The following BRIP1 variants were observed in gnomAD, a reference collection of about 807,000 sequenced individuals.
BRIP1 encodes the protein Fanconi anemia group J protein.
A neutral mutation model predicts 119.7 loss-of-function variants in BRIP1; 88 were observed. The ratio of observed to expected loss-of-function variants is 0.74; its 90% CI spans 0.62 to 0.88. BRIP1 has a LOEUF of 0.88. BRIP1 is among the 40% of genes least tolerant of loss of function. The pLI, the probability that BRIP1 is intolerant of heterozygous loss-of-function variation, is 0.00. For missense variants in BRIP1, 1,259 were observed against 1,455.4 expected (o/e 0.87, Z 2.20); for synonymous variants, 443 against 496.5 (o/e 0.89, Z 1.43).
rs1299892243 is a variant in BRIP1 at position 61,699,346 on chromosome 17, G to A, written c.2493-5834C>T. Among the ~76,000 whole-genome samples, 2 of 152,040 alleles carry A rather than the reference G, an allele frequency of 1.3e-5. No individual in the cohort carries two copies. The highest frequency in any genetic ancestry group is 2.4e-5 in the African/African-American group (1 of 41,392). On this transcript the variant is annotated intron_variant, in intron 17 of 19. Transcript: ENST00000259008. The surrounding 1 kb of genome is among the most constrained non-coding windows in gnomAD (Gnocchi z 4.8). ...GCTATTTGCTTTCTATATGCCTTACGTATTTTGTTCTTCTGTCTTTCCATT... is the reference window on the plus strand; with the variant it reads ...GCTATTTGCTTTCTATATGCCTTACATATTTTGTTCTTCTGTCTTTCCATT...
At chr17:61,712,039 C>T (rs371647361) in intron 17 of BRIP1, among the ~76,000 whole-genome samples, 7 of 151,722 alleles carry the variant, frequency 4.6e-5, no homozygotes, top group African/African-American at 1.5e-4. Context: ...TATGTCTAAG[C>T]GATACACAAA....
At chr17:61,715,634 T>C (rs1603293170) in intron 17 of BRIP1, among the ~76,000 whole-genome samples, 1 of 152,226 alleles carries the variant, frequency 6.6e-6, no homozygotes, top group East Asian at 1.9e-4. Context: ...GCTTTGATGT[T>C]CACAAGACAA....
Position 61,752,357 on chromosome 17 carries a change from AT to A in BRIP1, c.2098-7767del, listed in dbSNP as rs1271297791. Reference sequence around the variant, plus strand: ...AAGAAAAAAAATGCAAACCTTGAGAATAAGATAAAAAAGAAACAGTACAAAC... The same window carrying A: ...AAGAAAAAAAATGCAAACCTTGAGAAAAGATAAAAAAGAAACAGTACAAAC... On this transcript the variant is annotated intron_variant, in intron 14 of 19. Transcript: ENST00000259008. The surrounding 1 kb of genome is among the most constrained non-coding windows in gnomAD (Gnocchi z 6.2). 1.3e-5 allele frequency among the ~76,000 whole-genome samples: 2 copies of A among 152,200 alleles called. No individual in the cohort carries two copies. The highest frequency in any genetic ancestry group is 2.9e-5 in the Non-Finnish European group (2 of 68,026).
rs931839940 is a variant in BRIP1 at position 61,813,350 on chromosome 17, G to A, written c.628-4593C>T. ...CCACACTGCAAATTCCTTGAAGACA[G>A]AAACTATGTCTTACATTTCTTTATA... On this transcript the variant is annotated intron_variant, in intron 6 of 19. Coordinates refer to ENST00000259008, the MANE Select transcript of BRIP1 (RefSeq NM_032043.3). Among the ~76,000 whole-genome samples, 7 of 151,942 alleles carry A rather than the reference G, an allele frequency of 4.6e-5. No homozygotes were observed. The East Asian group carries it at 5.8e-4, about 13-fold the overall frequency.
rs375207662 is a variant in BRIP1 at position 61,841,437 on chromosome 17, C to T, written c.627+5664G>A. On this transcript the variant is annotated intron_variant, in intron 6 of 19. Transcript: ENST00000259008. This position sits in a 1 kb window ranked among gnomAD's most constrained non-coding sequence, Gnocchi z 4.1. ...AAAAGATACATAAAGCCAACAAGAA[C>T]ATGAAAAAATGCTGAACATCACTAA... Among the ~76,000 whole-genome samples, 30 of 151,094 alleles carry T rather than the reference C, an allele frequency of 2.0e-4. No homozygotes were observed. The South Asian group carries it at 3.1e-3, about 16-fold the overall frequency.
rs550092661 is a variant in BRIP1 at position 61,799,264 on chromosome 17, T to C, written c.1176A>G (p.Leu392=). 62 of 1,613,366 alleles carry C rather than the reference T, an allele frequency of 3.8e-5. No homozygotes were observed. In the South Asian group the frequency reaches 4.4e-4, roughly 11 times the overall value. The change falls in exon 9 of 20, where the codon TTA becomes TTG. Residue 392 remains leucine (L), a synonymous_variant. Coordinates refer to ENST00000259008, the MANE Select transcript of BRIP1 (RefSeq NM_032043.3). The surrounding 1 kb of genome is among the most constrained non-coding windows in gnomAD (Gnocchi z 5.1). ...AGTCCTCGATGTTATGAGCTTCATC[T>C]AAAATGACAACCTGTTCTTTCAGAT... is the stretch of plus-strand genomic sequence containing the variant. ...DLNLKEQVVI[L]DEAHNIEDCA...
At position 61,796,616 on chromosome 17, in the gene BRIP1, GTC is replaced by G. The variant is rs2077904051; in HGVS notation, c.1340+2482_1340+2483del. 6.6e-6 allele frequency among the ~76,000 whole-genome samples: 1 copy of G among 151,978 alleles called. No individual in the cohort carries two copies. Among genetic ancestry groups the G allele is most frequent in the Non-Finnish European group, 1.5e-5 (1 of 67,942 alleles). ...TCTATTCTGTTCCATTGATCTGTGT[GTC>G]TGTTTTTATGCCAGTACTGTGCTGT... On this transcript the variant is annotated intron_variant, in intron 9 of 19. Transcript: ENST00000259008. This position sits in a 1 kb window ranked among gnomAD's most constrained non-coding sequence, Gnocchi z 4.8.
At chr17:61,692,355 G>T (rs2061459682) in intron 18 of BRIP1, among the ~76,000 whole-genome samples, 1 of 152,110 alleles carries the variant, frequency 6.6e-6, no homozygotes, top group Non-Finnish European at 1.5e-5. Context: ...TAAATAATCA[G>T]CAGAGTCAAA....
In BRIP1 at chr17:61,805,245, C is replaced by T. The variant is rs1334246451; in HGVS notation, c.918+3222G>A. 3.3e-5 allele frequency among the ~76,000 whole-genome samples: 5 copies of T among 151,928 alleles called. No homozygotes were observed. The highest frequency in any genetic ancestry group is 4.8e-5 in the African/African-American group (2 of 41,352). On this transcript the variant is annotated intron_variant, in intron 7 of 19. Transcript: ENST00000259008. This position sits in a 1 kb window ranked among gnomAD's most constrained non-coding sequence, Gnocchi z 5.6. ...AAAAGAATGTCAGCAAATCAAAGGA[C>T]AAGACATGAATAGCTGAGGACCAGT...
At chr17:61,835,870 T>A (rs1567858478) in intron 6 of BRIP1, among the ~76,000 whole-genome samples, 2 of 152,038 alleles carry the variant, frequency 1.3e-5, no homozygotes, top group African/African-American at 2.4e-5. Flanking sequence ...CATACATGCA[T>A]GAAAATAAAT....
chr17:61,794,295 A>G lies in BRIP1; in HGVS notation c.1341-566T>C, dbSNP rs1230861588. Among the ~76,000 whole-genome samples the G allele has an allele frequency of 6.6e-6, 1 of 152,136 alleles. No homozygotes were observed. The highest frequency in any genetic ancestry group is 1.5e-5 in the Non-Finnish European group (1 of 68,000). On this transcript the variant is annotated intron_variant, in intron 9 of 19. Transcript: ENST00000259008. This position sits in a 1 kb window ranked among gnomAD's most constrained non-coding sequence, Gnocchi z 4.3. The stretch of plus-strand genomic sequence containing the variant: ...AAATTACATTCTACTAAAGGGAGAC[A>G]GGAATAAACATCAAAACAAATACAT...
rs1473269730 is a variant in BRIP1 at position 61,845,107 on chromosome 17, G to C, written c.627+1994C>G. On this transcript the variant is annotated intron_variant, in intron 6 of 19. Coordinates refer to ENST00000259008, the MANE Select transcript of BRIP1 (RefSeq NM_032043.3). The surrounding 1 kb of genome is among the most constrained non-coding windows in gnomAD (Gnocchi z 4.2). ...GCCCATGAAGGAAAGGAAAGAAAATGAATGAGAAAACACTGTGGCAGAGCT... is the reference window on the plus strand; with the variant it reads ...GCCCATGAAGGAAAGGAAAGAAAATCAATGAGAAAACACTGTGGCAGAGCT... Among the ~76,000 whole-genome samples the C allele has an allele frequency of 6.6e-6, 1 of 152,162 alleles. No individual in the cohort carries two copies. Among genetic ancestry groups the C allele is most frequent in the Non-Finnish European group, 1.5e-5 (1 of 68,016 alleles).
rs1288620174 is a variant in BRIP1, at chr17:61,776,467, T to A, written c.2031A>T (p.Gly677=). Reference sequence around the variant, plus strand: ...TCTGGCACACAGATAACAAAAGTGCTCCCACTTCATCTTGGAACTCAAATG... The same window carrying A: ...TCTGGCACACAGATAACAAAAGTGCACCCACTTCATCTTGGAACTCAAATG... ...TETFEFQDEV[G]ALLLSVCQTV... The change falls in exon 14 of 20, where the codon GGA becomes GGT. Residue 677 remains glycine (G), a synonymous_variant. Coordinates refer to ENST00000259008, the MANE Select transcript of BRIP1 (RefSeq NM_032043.3). This position sits in a 1 kb window ranked among gnomAD's most constrained non-coding sequence, Gnocchi z 5.0. 4 of 1,614,104 alleles carry A rather than the reference T, an allele frequency of 2.5e-6. No individual in the cohort carries two copies. The Admixed American group carries it at 5.0e-5, about 20-fold the overall frequency.
At position 61,757,581 on chromosome 17, in the gene BRIP1, T is replaced by C. The variant is rs1322230465; in HGVS notation, c.2098-12990A>G. ...TAGTGACACCTGATTTACAGTTACT[T>C]CTTGATACATTCTGATAAAAATATA... On this transcript the variant is annotated intron_variant, in intron 14 of 19. Transcript: ENST00000259008. The surrounding 1 kb of genome is among the most constrained non-coding windows in gnomAD (Gnocchi z 4.3). Among the ~76,000 whole-genome samples, 5 of 152,212 alleles carry C rather than the reference T, an allele frequency of 3.3e-5. No individual in the cohort carries two copies. Among genetic ancestry groups the C allele is most frequent in the African/African-American group, 1.2e-4 (5 of 41,458 alleles).
chr17:61,747,472 T>C (rs1440089606), intron 14 of BRIP1, among the ~76,000 whole-genome samples: 1 of 150,438 alleles, frequency 6.6e-6, no homozygotes, highest in African/African-American at 2.4e-5. Context: ...ATGCCACCGA[T>C]ACAATAAAAG....
Position 61,684,369 on chromosome 17 carries a change from A to G in BRIP1, c.2906-229T>C, listed in dbSNP as rs748842772. Among the ~76,000 whole-genome samples, 1 of 152,202 alleles carries G rather than the reference A, an allele frequency of 6.6e-6. No homozygotes were observed. The highest frequency in any genetic ancestry group is 1.5e-5 in the Non-Finnish European group (1 of 68,036). ...AAGTTATAATGCTGTCTGGTAAACT[A>G]TCAAATTCCACAGCAGGGAGCTCAA... On this transcript the variant is annotated intron_variant, in intron 19 of 19. Transcript: ENST00000259008. The surrounding 1 kb of genome is among the most constrained non-coding windows in gnomAD (Gnocchi z 4.5).
rs532553177 is a variant in BRIP1 at position 61,760,171 on chromosome 17, A to C, written c.2098-15580T>G. 2.6e-5 allele frequency among the ~76,000 whole-genome samples: 4 copies of C among 152,114 alleles called. No homozygotes were observed. The South Asian group carries it at 8.3e-4, about 31-fold the overall frequency. ...ATTCACAAATATATGGAAATTAAAC[A>C]ACATGTTCCTGAACAACCAAACAAC... On this transcript the variant is annotated intron_variant, in intron 14 of 19. Coordinates refer to ENST00000259008, the MANE Select transcript of BRIP1 (RefSeq NM_032043.3). The surrounding 1 kb of genome is among the most constrained non-coding windows in gnomAD (Gnocchi z 4.6).
rs1257119687 is a variant in BRIP1 at position 61,682,996 on chromosome 17, G to A, written c.*300C>T. On this transcript the variant is annotated 3_prime_UTR_variant, in exon 20 of 20. Transcript: ENST00000259008. This position sits in a 1 kb window ranked among gnomAD's most constrained non-coding sequence, Gnocchi z 4.9. ...AAAATACAAAAACTAGCTGGGCATGGTGGTGCACACCTGTAGTCCCAGCTA... is the reference window on the plus strand; with the variant it reads ...AAAATACAAAAACTAGCTGGGCATGATGGTGCACACCTGTAGTCCCAGCTA... The A allele has an allele frequency of 3.0e-5, 10 of 331,182 alleles. No homozygotes were observed. Among genetic ancestry groups the A allele is most frequent in the Non-Finnish European group, 5.6e-5 (10 of 178,948 alleles). The allele number at this position is 331,182 out of a possible 1,614,324, so 20.5% of individuals were successfully genotyped here.
intron 17 of BRIP1, among the ~76,000 whole-genome samples, chr17:61,696,356 G>C (rs1181496447): frequency 6.6e-6 from 1 of 151,954 alleles, no homozygotes; most frequent in African/African-American, 2.4e-5. Context: ...TTAGTATGTT[G>C]CTGATTCTGT....
Sources: allele counts gnomAD v4.1 joint callset (sites outside exome capture counted in the v4.1 genomes callset), GRCh38; gene constraint gnomAD v4.1.1; non-coding constraint Gnocchi (gnomAD v3.1); transcripts MANE v1.5; gene names NCBI Gene and HGNC (gene_info 2026-07-23, HGNC 2026-07-21).